The following MIR2052HG variants were observed in gnomAD, a reference collection of about 807,000 sequenced individuals.
The protein encoded by MIR2052HG is MIR2052 host gene.
chr8:74,694,125 T>C (rs1809271060), intron 2 of MIR2052HG, among the ~76,000 whole-genome samples: 1 of 152,192 alleles, frequency 6.6e-6, no homozygotes, highest in Non-Finnish European at 1.5e-5. Context: ...CTGCTACCTC[T>C]ACTGGAGCAG....
intron 4 of MIR2052HG, among the ~76,000 whole-genome samples, chr8:74,727,634 A>G (rs1474891791): frequency 1.3e-5 from 2 of 152,228 alleles, no homozygotes; most frequent in Non-Finnish European, 2.9e-5. Flanking sequence ...TTTTCTTTTA[A>G]TATAAAACAG....
intron 2 of MIR2052HG, among the ~76,000 whole-genome samples, chr8:74,675,911 A>G (rs542918784): frequency 2.0e-5 from 3 of 152,000 alleles, no homozygotes; most frequent in African/African-American, 7.2e-5. Context: ...TAAATCTCTT[A>G]AATTTACAAT....
At chr8:74,705,219 T>C (rs565488386) in intron 4 of MIR2052HG, among the ~76,000 whole-genome samples, 28 of 152,184 alleles carry the variant, frequency 1.8e-4, no homozygotes, top group African/African-American at 6.0e-4. Flanking sequence ...AAAAGTTTCA[T>C]AGGAAAAAAT....
intron 1 of MIR2052HG, among the ~76,000 whole-genome samples, chr8:74,606,181 A>G (rs959789432): frequency 2.6e-5 from 4 of 152,234 alleles, no homozygotes; most frequent in Non-Finnish European, 4.4e-5. Context: ...GGTGTTATCA[A>G]TCGGATGAAT....
chr8:74,687,178 A>G (rs1021028330), intron 2 of MIR2052HG, among the ~76,000 whole-genome samples: 1 of 152,178 alleles, frequency 6.6e-6, no homozygotes, highest in African/African-American at 2.4e-5. Flanking sequence ...AATGGCTAAT[A>G]TCAAAAATCC....
At chr8:74,708,672 G>C (rs1434609136) in intron 4 of MIR2052HG, among the ~76,000 whole-genome samples, 1 of 151,748 alleles carries the variant, frequency 6.6e-6, no homozygotes. Flanking sequence ...TTGTGACAAA[G>C]TAAAATATAA....
intron 2 of MIR2052HG, among the ~76,000 whole-genome samples, chr8:74,619,297 A>G (rs1808328617): frequency 6.6e-6 from 1 of 152,148 alleles, no homozygotes; most frequent in South Asian, 2.1e-4. Flanking sequence ...ACCACAAAAG[A>G]CCTCAATAGC....
At chr8:74,691,060 G>A (rs1332223847) in intron 2 of MIR2052HG, among the ~76,000 whole-genome samples, 1 of 152,176 alleles carries the variant, frequency 6.6e-6, no homozygotes, top group Non-Finnish European at 1.5e-5. Context: ...TAACCACAAG[G>A]CAGGAAGATA....
chr8:74,699,327 A>G (rs1004598467), intron 2 of MIR2052HG, among the ~76,000 whole-genome samples: 2 of 152,060 alleles, frequency 1.3e-5, no homozygotes, highest in Non-Finnish European at 2.9e-5. Context: ...ATAGCAGCAC[A>G]ATTTGCAACT....
intron 5 of MIR2052HG, chr8:74,757,600 G>A (rs1435849933): frequency 6.6e-6 from 1 of 152,152 alleles, no homozygotes; most frequent in African/African-American, 2.4e-5. Context: ...TGAGATTTGG[G>A]GAAGTTAAAT....
intron 2 of MIR2052HG, among the ~76,000 whole-genome samples, chr8:74,676,988 A>G (rs1809060244): frequency 6.6e-6 from 1 of 152,102 alleles, no homozygotes; most frequent in Non-Finnish European, 1.5e-5. Context: ...GATAAGAGAA[A>G]CACTTAAAAG....
exon 1 of MIR2052HG, chr8:74,599,828 C>G (rs993527700): frequency 1.9e-5 from 3 of 157,902 alleles, no homozygotes; most frequent in South Asian, 1.9e-4. Context: ...CCCCCCGCCT[C>G]GCTGCCGCCT....
intron 2 of MIR2052HG, among the ~76,000 whole-genome samples, chr8:74,630,190 A>T (rs968725336): frequency 1.3e-5 from 2 of 152,160 alleles, no homozygotes; most frequent in East Asian, 1.9e-4. Context: ...CAAAACAGTT[A>T]TTTTTGTTCA....
intron 2 of MIR2052HG, among the ~76,000 whole-genome samples, chr8:74,634,862 C>A (rs1370630411): frequency 6.6e-6 from 1 of 151,966 alleles, no homozygotes; most frequent in Admixed American, 6.6e-5. Context: ...TTTGGCAGGG[C>A]AATTGATTGA....
rs574456372 is a variant in MIR2052HG at position 74,753,067 on chromosome 8, C to T, written n.464+534C>T. Among the ~76,000 whole-genome samples, 15 of 152,252 alleles carry T rather than the reference C, an allele frequency of 9.9e-5. No homozygotes were observed. The South Asian group carries it at 1.7e-3, about 17-fold the overall frequency. ...CAGAAGGTAGGTATTTTTTAAAACACGTAAGTTGCTGAAAGACGTTCAGAA... is the reference window on the plus strand; with the variant it reads ...CAGAAGGTAGGTATTTTTTAAAACATGTAAGTTGCTGAAAGACGTTCAGAA... On this transcript the variant is annotated intron_variant and non_coding_transcript_variant, in intron 5 of 6. Transcript: ENST00000523442.
intron 4 of MIR2052HG, among the ~76,000 whole-genome samples, chr8:74,749,437 G>A (rs1401201588): frequency 6.6e-6 from 1 of 151,666 alleles, no homozygotes; most frequent in Non-Finnish European, 1.5e-5. Flanking sequence ...CTTTTTAGTT[G>A]AAGCAAAATT....
intron 2 of MIR2052HG, among the ~76,000 whole-genome samples, chr8:74,614,795 G>C (rs62521624): frequency 6.6e-6 from 1 of 150,982 alleles, no homozygotes; most frequent in Admixed American, 6.6e-5. Context: ...ATATAGGGTG[G>C]ATGAATATTT....
chr8:74,678,563 C>CAAAAAA (rs763073114), intron 2 of MIR2052HG, among the ~76,000 whole-genome samples: 1 of 53,528 alleles, frequency 1.9e-5, no homozygotes, highest in African/African-American at 6.9e-5. Flanking sequence ...GAGTTTGTCT[C>CAAAAAA]AAAAAAAAAA....
Position 74,727,223 on chromosome 8 carries a change from T to A in MIR2052HG, n.371+23541T>A, listed in dbSNP as rs181134363. On this transcript the variant is annotated intron_variant and non_coding_transcript_variant, in intron 4 of 6. Coordinates refer to ENST00000523442, the Ensembl canonical transcript of MIR2052HG. Reference sequence around the variant, plus strand: ...AAGAATAAAGATTTTTGTAAGCATATCCTTGTACTGTTTGCAAAATTTAAT... The same window carrying A: ...AAGAATAAAGATTTTTGTAAGCATAACCTTGTACTGTTTGCAAAATTTAAT... 2.2e-4 allele frequency among the ~76,000 whole-genome samples: 34 copies of A among 152,314 alleles called. No individual in the cohort carries two copies. The East Asian group carries it at 6.4e-3, about 29-fold the overall frequency.
Sources: gnomAD v4.1 joint callset for allele counts (sites outside exome capture counted in the v4.1 genomes callset) on GRCh38, gnomAD v4.1.1 for gene constraint, MANE v1.5 for transcripts, NCBI Gene and HGNC (gene_info 2026-07-23, HGNC 2026-07-21) for gene names.